Variants in NUFIP1 observed in about 807,000 individuals in gnomAD.
NUFIP1 encodes nuclear FMR1 interacting protein 1.
NUFIP1 carries 38 observed loss-of-function variants against 56.2 expected under a neutral mutation model. That is an observed-to-expected ratio of 0.68 (90% confidence interval 0.52 to 0.89). The LOEUF is 0.89. Among genes scored for constraint, NUFIP1 ranks in the 40% least tolerant of loss-of-function variants. The pLI, the probability that NUFIP1 is intolerant of heterozygous loss-of-function variation, is 0.00. For synonymous variants in NUFIP1, 215 were observed against 212.4 expected (o/e 1.01, Z -0.10); for missense variants, 567 against 605.8 (o/e 0.94, Z 0.67).
At position 44,940,529 on chromosome 13, in the gene NUFIP1, T is replaced by C. The variant is rs1380981654; in HGVS notation, c.*677A>G. The C allele has an allele frequency of 5.9e-5, 9 of 152,362 alleles. No homozygotes were observed. The highest frequency in any genetic ancestry group is 1.9e-4 in the East Asian group (1 of 5,190). 9.4% of individuals were successfully genotyped at this position (152,362 alleles called of 1,614,324 possible). A position where few individuals can be genotyped will look rare whatever the true frequency, so the allele number is the denominator to read the frequency against. ...CACAAGCTCAAATTCCCTGGTATTA[T>C]AGGAGACAAAAAGATCTCAATAGCT... On this transcript the variant is annotated 3_prime_UTR_variant, in exon 10 of 10. Transcript: ENST00000379161.
At chr13:44,963,771 T>C (rs1384980993) in intron 6 of NUFIP1, among the ~76,000 whole-genome samples, 3 of 152,236 alleles carry the variant, frequency 2.0e-5, no homozygotes, top group Non-Finnish European at 2.9e-5. Context: ...ACATTTTGTA[T>C]AGGATTTTTG....
chr13:44,967,862 C>T (rs1037271868), intron 5 of NUFIP1, among the ~76,000 whole-genome samples: 1 of 152,190 alleles, frequency 6.6e-6, no homozygotes, highest in African/African-American at 2.4e-5. Flanking sequence ...GAACACAGCT[C>T]TCTACTACCC....
chr13:44,946,853 G>A (rs945568779), intron 8 of NUFIP1, among the ~76,000 whole-genome samples: 2 of 152,086 alleles, frequency 1.3e-5, no homozygotes, highest in African/African-American at 4.8e-5. Context: ...CTCCCTATGT[G>A]TCAATATCCC....
chr13:44,954,131 A>C (rs1871156917), intron 7 of NUFIP1, among the ~76,000 whole-genome samples: 1 of 152,186 alleles, frequency 6.6e-6, no homozygotes, highest in South Asian at 2.1e-4. Flanking sequence ...ACAAAATAAT[A>C]CTCAAGAAAC....
chr13:44,968,830 T>C (rs1251234926), intron 5 of NUFIP1, among the ~76,000 whole-genome samples: 1 of 152,200 alleles, frequency 6.6e-6, no homozygotes, highest in Non-Finnish European at 1.5e-5. Context: ...TAACTGCTTT[T>C]CATTGGTAAA....
intron 1 of NUFIP1, among the ~76,000 whole-genome samples, chr13:44,987,349 G>A (rs1872433777): frequency 6.6e-6 from 1 of 152,010 alleles, no homozygotes; most frequent in East Asian, 1.9e-4. Context: ...TTGCACTCCA[G>A]CCTGAGCAAC....
chr13:44,981,431 T>C (rs1027961447), intron 2 of NUFIP1, among the ~76,000 whole-genome samples: 5 of 152,208 alleles, frequency 3.3e-5, no homozygotes, highest in Non-Finnish European at 7.3e-5. Flanking sequence ...TTCCAGTCAA[T>C]AGTAGACCAT....
chr13:44,959,418 A>G lies in NUFIP1; in HGVS notation c.984T>C (p.Asn328=). 1 of 1,613,882 alleles carries G rather than the reference A, an allele frequency of 6.2e-7. No homozygotes were observed. Among genetic ancestry groups the G allele is most frequent in the Non-Finnish European group, 8.5e-7 (1 of 1,179,978 alleles). Residue 328 remains asparagine, a synonymous_variant, in exon 7 of 10, where the codon AAT becomes AAC. Transcript: ENST00000379161. ...DLKLEGPPEA[N]ADPLGVLINS... is the part of the protein sequence containing the mutation. ...TTATCAAAACACCAAGAGGATCTGC[A>G]TTTGCCTCCGGTGGACCTTCTAGCT...
chr13:44,989,318 C>G lies in NUFIP1; in HGVS notation c.119G>C (p.Trp40Ser), dbSNP rs752359700. ...TAPPRDSWMF[W>S]AMLPPPPPPL... ...TGGTGGCGGTGGCGGCAGCATTGCC[C>G]AGAACATCCAGCTGTCCCGCGGCGG... The change falls in exon 1 of 10, where the codon TGG (tryptophan) becomes TCG (serine). Residue 40 changes from tryptophan to serine, a missense_variant. By Grantham distance (177) the Trp-to-Ser change is radical (BLOSUM62 -3). Coordinates refer to ENST00000379161, the MANE Select transcript of NUFIP1 (RefSeq NM_012345.3). 2 of 1,613,214 alleles carry G rather than the reference C, an allele frequency of 1.2e-6. No individual in the cohort carries two copies. Among genetic ancestry groups the G allele is most frequent in the African/African-American group, 2.7e-5 (2 of 75,018 alleles).
intron 7 of NUFIP1, among the ~76,000 whole-genome samples, chr13:44,956,196 T>G (rs983733594): frequency 4.6e-5 from 7 of 151,952 alleles, no homozygotes; most frequent in African/African-American, 1.7e-4. Context: ...TACAAATTTT[T>G]GTTGGGCTGC....
At chr13:44,976,901 T>G (rs762007032) in intron 5 of NUFIP1, among the ~76,000 whole-genome samples, 1 of 152,174 alleles carries the variant, frequency 6.6e-6, no homozygotes, top group Non-Finnish European at 1.5e-5. Flanking sequence ...AATTCACTAC[T>G]CCTTTAATCC....
chr13:44,979,629 T>C (rs554557366), intron 4 of NUFIP1, among the ~76,000 whole-genome samples: 3 of 152,316 alleles, frequency 2.0e-5, no homozygotes, highest in South Asian at 2.1e-4. Flanking sequence ...TAAAGCAGTA[T>C]ACAATTTGGA....
intron 8 of NUFIP1, among the ~76,000 whole-genome samples, chr13:44,946,706 T>C (rs1410253593): frequency 1.3e-5 from 2 of 152,206 alleles, no homozygotes; most frequent in African/African-American, 2.4e-5. Flanking sequence ...AGATCTTAAT[T>C]ATGAAGACAC....
intron 7 of NUFIP1, among the ~76,000 whole-genome samples, chr13:44,950,536 G>A (rs1871055369): frequency 6.6e-6 from 1 of 152,122 alleles, no homozygotes; most frequent in Admixed American, 6.5e-5. Context: ...TAGTAGAGAT[G>A]CGGATTCACC....
Position 44,965,930 on chromosome 13 carries a change from A to G in NUFIP1, c.741T>C (p.Tyr247=). 6.4e-7 allele frequency: 1 copy of G among 1,555,190 alleles called. No individual in the cohort carries two copies. The highest frequency in any genetic ancestry group is 8.7e-7 in the Non-Finnish European group (1 of 1,149,478). Residue 247 remains tyrosine, a synonymous_variant, in exon 6 of 10, where the codon TAT becomes TAC. Coordinates refer to ENST00000379161, the MANE Select transcript of NUFIP1 (RefSeq NM_012345.3). The part of the protein sequence containing the change: ...ARWREERRKN[Y]PTLANIERKK... ...TCCTTTCAATATTGGCCAGAGTTGG[A>G]TAGTTTCTAGAAAATAATAAAAGTT...
At chr13:44,953,667 C>T (rs1438297383) in intron 7 of NUFIP1, among the ~76,000 whole-genome samples, 4 of 152,112 alleles carry the variant, frequency 2.6e-5, no homozygotes, top group African/African-American at 9.7e-5. Flanking sequence ...CATTTTCTTA[C>T]TTTCTGGCGC....
At chr13:44,946,025 T>C (rs992773316) in intron 8 of NUFIP1, among the ~76,000 whole-genome samples, 8 of 152,084 alleles carry the variant, frequency 5.3e-5, no homozygotes, top group Non-Finnish European at 1.0e-4. Context: ...TGTGTGACCT[T>C]TGGGCAAGCT....
At chr13:44,956,538 G>A (rs187381226) in intron 7 of NUFIP1, among the ~76,000 whole-genome samples, 3 of 152,132 alleles carry the variant, frequency 2.0e-5, no homozygotes, top group Non-Finnish European at 4.4e-5. Context: ...ATCAGTAGGA[G>A]CCCTGAGCTG....
chr13:44,943,520 G>A lies in NUFIP1; in HGVS notation c.1293C>T (p.Asn431=). ...ENRKKSFEKT[N]PKRKKDYHNY... ...TGTGATAATCTTTTTTCCTCTTAGG[G>A]TTTGTTTTTTCAAAGCTTTTCTTTC... Residue 431 remains asparagine, a synonymous_variant, in exon 9 of 10, where the codon AAC becomes AAT. Coordinates refer to ENST00000379161, the MANE Select transcript of NUFIP1 (RefSeq NM_012345.3). The A allele has an allele frequency of 1.9e-6, 3 of 1,614,046 alleles. No individual in the cohort carries two copies. Among genetic ancestry groups the A allele is most frequent in the Non-Finnish European group, 2.5e-6 (3 of 1,180,008 alleles).
Sources: gnomAD v4.1 joint callset for allele counts (sites outside exome capture counted in the v4.1 genomes callset) on GRCh38, gnomAD v4.1.1 for gene constraint, MANE v1.5 for transcripts, NCBI Gene and HGNC (gene_info 2026-07-23, HGNC 2026-07-21) for gene names.